CCZ1: variants seen among roughly 807,000 people sequenced by gnomAD.
CCZ1 encodes the protein CCZ1 vacuolar protein trafficking and biogenesis associated.
Under a neutral mutation model 57.8 loss-of-function variants are expected in CCZ1, and 19 were observed. The ratio of observed to expected loss-of-function variants is 0.33; its 90% CI spans 0.23 to 0.48. The LOEUF is 0.48. Among genes scored for constraint, CCZ1 ranks in the 20% least tolerant of loss-of-function variants. The probability of loss-of-function intolerance (pLI) is 0.99; values close to 1 mark genes in which losing one functional copy is unlikely to be tolerated. For synonymous variants in CCZ1, 81 were observed against 167.0 expected, an observed-to-expected ratio of 0.49 and a Z score of 3.97; for missense variants, 200 against 492.0, an observed-to-expected ratio of 0.41 and a Z score of 5.61.
In CCZ1 at chr7:5,911,241, A is replaced by G. The variant is rs1296035166; in HGVS notation, c.781-620A>G. On this transcript the variant is annotated intron_variant, in intron 8 of 14. Coordinates refer to ENST00000325974, the MANE Select transcript of CCZ1 (RefSeq NM_015622.6). Reference sequence around the variant, plus strand: ...AAATGATATCACTGTGTTCTCCCCAAAGTATTTTCAGAGCTTAACATACAA... The same window carrying G: ...AAATGATATCACTGTGTTCTCCCCAGAGTATTTTCAGAGCTTAACATACAA... 1.3e-5 allele frequency among the ~76,000 whole-genome samples: 2 copies of G among 148,812 alleles called. 1 individual carries two copies. Among genetic ancestry groups the G allele is most frequent in the African/African-American group, 5.0e-5 (2 of 40,078 alleles).
chr7:5,914,072 C>T (rs2128613396), intron 10 of CCZ1, among the ~76,000 whole-genome samples: 1 of 146,338 alleles, frequency 6.8e-6, no homozygotes. Flanking sequence ...AACTAGAGGT[C>T]TCGAAAGAAA....
At chr7:5,902,827 T>C (rs1349794214) in intron 6 of CCZ1, 83 bp downstream of exon 6, 1 of 1,498,306 alleles carries the variant, frequency 6.7e-7, no homozygotes, top group Non-Finnish European at 8.9e-7. Flanking sequence ...GTTTGTTTCT[T>C]ATATACAAAA....
chr7:5,915,563 C>T (rs1436116743), intron 10 of CCZ1, among the ~76,000 whole-genome samples: 1 of 151,198 alleles, frequency 6.6e-6, no homozygotes, highest in African/African-American at 2.4e-5. Context: ...ATGCACGTAC[C>T]ATACAACTCA....
At chr7:5,920,951 GTTTT>G (rs201738735) in intron 12 of CCZ1, among the ~76,000 whole-genome samples, 172 of 83,648 alleles carry the variant, frequency 2.1e-3, no homozygotes, top group African/African-American at 4.6e-3. Context: ...TGTTTTTTGG[GTTTT>G]TTTTTTTTTT....
At chr7:5,901,935 A>G in intron 5 of CCZ1, 1 of 476,896 alleles carries the variant, frequency 2.1e-6, no homozygotes, top group Non-Finnish European at 3.5e-6. Context: ...ATGTGTCCCC[A>G]TTGATGAAAA....
intron 8 of CCZ1, among the ~76,000 whole-genome samples, chr7:5,910,782 C>T (rs975234320): frequency 1.4e-5 from 2 of 147,148 alleles, no homozygotes; most frequent in African/African-American, 5.1e-5. Flanking sequence ...TTCGCCCAGG[C>T]TGGAGTGCAG....
chr7:5,922,845 C>CTCCTCAAGCAGGGGTCAGCAGACTTT, intron 12 of CCZ1, among the ~76,000 whole-genome samples: 1 of 149,222 alleles, frequency 6.7e-6, no homozygotes, highest in African/African-American at 2.5e-5. Context: ...AGGTGTTACT[C>CTCCTCAAGCAGGGGTCAGCAGACTTT]TCCTCAAGCA....
chr7:5,907,617 C>A (rs1781864298), intron 7 of CCZ1, among the ~76,000 whole-genome samples: 1 of 146,002 alleles, frequency 6.8e-6, no homozygotes, highest in Non-Finnish European at 1.5e-5. Context: ...AGGGTTGGCC[C>A]TTTGAAGCCT....
intron 7 of CCZ1, among the ~76,000 whole-genome samples, chr7:5,906,566 C>A (rs62453586): frequency 1.4e-5 from 2 of 147,584 alleles, no homozygotes; most frequent in African/African-American, 2.5e-5. Context: ...CAGGTGATTC[C>A]CCTGCATAGG....
At chr7:5,900,144 C>A in intron 1 of CCZ1, 140 bp from the exon 2 acceptor site, 1 of 1,075,158 alleles carries the variant, frequency 9.3e-7, no homozygotes, top group Admixed American at 3.1e-5. Flanking sequence ...GATTACAATT[C>A]CTGTTTTTCT....
chr7:5,911,416 C>T (rs1781976813), intron 8 of CCZ1, among the ~76,000 whole-genome samples: 1 of 148,856 alleles, frequency 6.7e-6, no homozygotes, highest in African/African-American at 2.5e-5. Context: ...GGTCGTGTCA[C>T]CTCAGCCTCC....
At chr7:5,909,999 C>G (rs757455459) in intron 7 of CCZ1, 36 bp from the exon 8 acceptor site, 17 of 1,585,898 alleles carry the variant, frequency 1.1e-5, no homozygotes, top group African/African-American at 2.8e-5. Flanking sequence ...GAAGACAGTT[C>G]CAAACGTTTA....
At chr7:5,911,290 TCA>T in intron 8 of CCZ1, among the ~76,000 whole-genome samples, 1 of 149,046 alleles carries the variant, frequency 6.7e-6, no homozygotes, top group Non-Finnish European at 1.5e-5. Flanking sequence ...TCAGTTGAAC[TCA>T]CTCTCTTCGC....
intron 8 of CCZ1, among the ~76,000 whole-genome samples, chr7:5,911,318 C>CT (rs1257487439): frequency 6.7e-6 from 1 of 148,946 alleles, no homozygotes; most frequent in African/African-American, 2.5e-5. Context: ...CGTTCCCTCC[C>CT]TCTTGTCCTC....
rs527259107 is a variant in CCZ1 at position 5,901,185 on chromosome 7, T to G, written c.390+253T>G. 196 of 334,546 alleles carry G rather than the reference T, an allele frequency of 5.9e-4. 3 individuals are homozygous for G. Among genetic ancestry groups the G allele is most frequent in the Non-Finnish European group, 8.2e-4 (169 of 207,162 alleles). 20.7% of individuals were successfully genotyped at this position (334,546 alleles called of 1,614,324 possible). Reference sequence around the variant, plus strand: ...AAGTAAGGCTTACTGATTCACAAATTAGAGTTTAAACACTTCTGGCTGGGA... The same window carrying G: ...AAGTAAGGCTTACTGATTCACAAATGAGAGTTTAAACACTTCTGGCTGGGA... On this transcript the variant is annotated intron_variant, in intron 4 of 14. Coordinates refer to ENST00000325974, the MANE Select transcript of CCZ1 (RefSeq NM_015622.6).
At chr7:5,899,718 T>C (rs963314963) in intron 1 of CCZ1, among the ~76,000 whole-genome samples, 8 of 150,294 alleles carry the variant, frequency 5.3e-5, no homozygotes, top group Non-Finnish European at 1.0e-4. Flanking sequence ...AGGTGAGCTG[T>C]AATAGCGCCA....
intron 7 of CCZ1, among the ~76,000 whole-genome samples, chr7:5,905,781 CAAAA>C (rs796636886): frequency 9.0e-5 from 4 of 44,352 alleles, no homozygotes; most frequent in African/African-American, 2.1e-4. Context: ...ACTCTGTCTC[CAAAA>C]AAAAAAAAAA....
chr7:5,901,242 T>C lies in CCZ1; in HGVS notation c.390+310T>C, dbSNP rs556459822. The C allele has an allele frequency of 3.1e-4, 55 of 175,308 alleles. 2 individuals are homozygous for C. Among genetic ancestry groups the C allele is most frequent in the Middle Eastern group, 2.2e-3 (1 of 458 alleles). The allele number at this position is 175,308 out of a possible 1,614,324, so 10.9% of individuals were successfully genotyped here. On this transcript the variant is annotated intron_variant, in intron 4 of 14. Coordinates refer to ENST00000325974, the MANE Select transcript of CCZ1 (RefSeq NM_015622.6). Reference sequence around the variant, plus strand: ...GCTCACACCTGTAATCCTAGTACTTTGGGAGGTCAAGGCAGGCAGATTACT... The same window carrying C: ...GCTCACACCTGTAATCCTAGTACTTCGGGAGGTCAAGGCAGGCAGATTACT...
intron 8 of CCZ1, among the ~76,000 whole-genome samples, chr7:5,911,592 G>C (rs1252495553): frequency 6.7e-6 from 1 of 148,990 alleles, no homozygotes; most frequent in Non-Finnish European, 1.5e-5. Context: ...ACCTCACCTG[G>C]CCAAAAATTT....
Sources: allele counts gnomAD v4.1 joint callset (sites outside exome capture counted in the v4.1 genomes callset), GRCh38; gene constraint gnomAD v4.1.1; transcripts MANE v1.5; gene names NCBI Gene and HGNC (gene_info 2026-07-23, HGNC 2026-07-21).